The following CADM2 variants were observed in gnomAD, a reference collection of about 807,000 sequenced individuals.
CADM2 encodes cell adhesion molecule 2.
Under a neutral mutation model 49.8 loss-of-function variants are expected in CADM2, and 12 were observed. The ratio of observed to expected loss-of-function variants is 0.24; its 90% CI spans 0.15 to 0.39. The LOEUF (loss-of-function observed/expected upper bound fraction) is 0.39. Among genes scored for constraint, CADM2 ranks in the 10% least tolerant of loss-of-function variants. CADM2 has a pLI of 1.00. For synonymous variants in CADM2, 214 were observed against 175.4 expected, an observed-to-expected ratio of 1.22 and a Z score of -1.74; for missense variants, 378 against 492.3, an observed-to-expected ratio of 0.77 and a Z score of 2.20.
intron 8 of CADM2, among the ~76,000 whole-genome samples, chr3:85,983,765 G>A (rs992924383): frequency 2.0e-5 from 3 of 149,782 alleles, no homozygotes; most frequent in African/African-American, 7.3e-5. Flanking sequence ...TAGAGCATAT[G>A]GTACCATTTA....
intron 1 of CADM2, among the ~76,000 whole-genome samples, chr3:85,666,989 A>C (rs1308004461): frequency 6.6e-6 from 1 of 152,074 alleles, no homozygotes; most frequent in Non-Finnish European, 1.5e-5. Flanking sequence ...ATAGAAAGCA[A>C]ATAAATAAAC....
chr3:86,015,803 G>A (rs1037556618), intron 8 of CADM2, among the ~76,000 whole-genome samples: 4 of 152,080 alleles, frequency 2.6e-5, no homozygotes, highest in Admixed American at 6.5e-5. Flanking sequence ...TGGTTAAGAC[G>A]GAATCAGAGG....
At chr3:85,476,187 A>C (rs2038967019) in intron 1 of CADM2, among the ~76,000 whole-genome samples, 1 of 151,954 alleles carries the variant, frequency 6.6e-6, no homozygotes, top group Non-Finnish European at 1.5e-5. Flanking sequence ...CTATTGGTCA[A>C]AGTCATATAG....
At chr3:85,898,955 A>ATATATATATATATATATATATAT (rs1475991339) in intron 5 of CADM2, among the ~76,000 whole-genome samples, 7 of 33,916 alleles carry the variant, frequency 2.1e-4, no homozygotes, top group East Asian at 8.8e-4. Flanking sequence ...ATATATATAT[A>ATATATATATATATATATATATAT]TTTTTTTTTT....
intron 8 of CADM2, among the ~76,000 whole-genome samples, chr3:86,043,367 G>A (rs528479490): frequency 1.3e-5 from 2 of 152,278 alleles, no homozygotes; most frequent in East Asian, 3.9e-4. Flanking sequence ...AAGCTGATAA[G>A]CAACTTCAGA....
rs1239775141 is a variant in CADM2, at chr3:85,344,417, A to AAATG, written c.62-382102_62-382101insGAAT. ...TAAATAAATAAATAAATAAATAAAT[A>AAATG]AATAATAATTATATGGATAGTCAAA... On this transcript the variant is annotated intron_variant, in intron 1 of 9. Coordinates refer to ENST00000383699, the MANE Select transcript of CADM2 (RefSeq NM_001167675.2). Among the ~76,000 whole-genome samples, 11 of 147,658 alleles carry AAATG rather than the reference A, an allele frequency of 7.4e-5. No homozygotes were observed. The East Asian group carries it at 2.1e-3, about 29-fold the overall frequency.
intron 7 of CADM2, among the ~76,000 whole-genome samples, chr3:85,943,905 C>A (rs1442972112): frequency 6.6e-6 from 1 of 151,990 alleles, no homozygotes; most frequent in Non-Finnish European, 1.5e-5. Context: ...ATGACAGGAT[C>A]AAATTCACAC....
At chr3:85,675,643 T>G (rs2065869076) in intron 1 of CADM2, among the ~76,000 whole-genome samples, 1 of 152,178 alleles carries the variant, frequency 6.6e-6, no homozygotes, top group Non-Finnish European at 1.5e-5. Flanking sequence ...AGTAGTTGTT[T>G]AATGACAATT....
chr3:85,146,510 C>T (rs13059053), intron 1 of CADM2, among the ~76,000 whole-genome samples: 65,648 of 151,884 alleles, frequency 0.43, 15,697 homozygotes, highest in Non-Finnish European at 0.55. Context: ...ATGATAATTA[C>T]ATTTTAAAAG....
chr3:85,403,016 A>C (rs1160750936), intron 1 of CADM2, among the ~76,000 whole-genome samples: 1 of 152,166 alleles, frequency 6.6e-6, no homozygotes, highest in African/African-American at 2.4e-5. Context: ...CCTCACGGTA[A>C]ACATACCTGA....
At chr3:85,401,901 T>C (rs77267110) in intron 1 of CADM2, among the ~76,000 whole-genome samples, 3,856 of 152,274 alleles carry the variant, frequency 0.025, 157 homozygotes, top group African/African-American at 0.087. Context: ...TTGCCTGTGT[T>C]TTCTCTATTT....
intron 8 of CADM2, among the ~76,000 whole-genome samples, chr3:86,006,341 A>G (rs963479750): frequency 6.6e-6 from 1 of 152,204 alleles, no homozygotes; most frequent in Non-Finnish European, 1.5e-5. Context: ...AGAATAGTCA[A>G]CATGATGGCA....
At chr3:85,356,727 T>C (rs1046197884) in intron 1 of CADM2, among the ~76,000 whole-genome samples, 11 of 152,168 alleles carry the variant, frequency 7.2e-5, no homozygotes, top group Non-Finnish European at 1.6e-4. Flanking sequence ...CTGTTCATTT[T>C]CCATTTACAT....
At chr3:85,996,158 G>C (rs1008672597) in intron 8 of CADM2, among the ~76,000 whole-genome samples, 4 of 150,582 alleles carry the variant, frequency 2.7e-5, no homozygotes, top group African/African-American at 9.7e-5. Context: ...AATATTGTAA[G>C]ACAAAAGCAG....
intron 5 of CADM2, among the ~76,000 whole-genome samples, chr3:85,898,152 A>C (rs985995136): frequency 6.6e-6 from 1 of 152,196 alleles, no homozygotes; most frequent in South Asian, 2.1e-4. Flanking sequence ...CAATACTAGG[A>C]GATACATAAG....
chr3:85,135,826 TAGAG>T (rs1156669282), intron 1 of CADM2, among the ~76,000 whole-genome samples: 1 of 152,018 alleles, frequency 6.6e-6, no homozygotes, highest in Non-Finnish European at 1.5e-5. Context: ...AAATATCTAT[TAGAG>T]AGCCGTAGTA....
chr3:85,336,146 T>G (rs2107172149), intron 1 of CADM2, among the ~76,000 whole-genome samples: 1 of 151,586 alleles, frequency 6.6e-6, no homozygotes, highest in African/African-American at 2.4e-5. Flanking sequence ...CCATCAACAT[T>G]TCCTTCTGCA....
intron 3 of CADM2, among the ~76,000 whole-genome samples, chr3:85,866,141 A>G (rs546783884): frequency 6.6e-6 from 1 of 152,114 alleles, no homozygotes; most frequent in South Asian, 2.1e-4. Context: ...ATCTTAAAAA[A>G]TAATAATAAT....
At chr3:85,330,535 T>G (rs1318394314) in intron 1 of CADM2, among the ~76,000 whole-genome samples, 1 of 152,316 alleles carries the variant, frequency 6.6e-6, no homozygotes, top group Admixed American at 6.5e-5. Flanking sequence ...CTTTCTACAC[T>G]GCCCAGTGCA....
Sources: allele counts gnomAD v4.1 joint callset (sites outside exome capture counted in the v4.1 genomes callset), GRCh38; gene constraint gnomAD v4.1.1; transcripts MANE v1.5; gene names NCBI Gene and HGNC (gene_info 2026-07-23, HGNC 2026-07-21).